ARID1B: variants seen among roughly 807,000 people sequenced by gnomAD.
The protein encoded by ARID1B is AT-rich interactive domain-containing protein 1B.
Under a neutral mutation model 212.3 loss-of-function variants are expected in ARID1B, and 30 were observed. That is an observed-to-expected ratio of 0.14 (90% CI 0.11 to 0.19). The LOEUF is 0.19. Ranked by LOEUF, ARID1B falls within the 10% of genes least tolerant of loss-of-function variation. The pLI is 1.00. For missense variants in ARID1B, 2,891 were observed against 3,204.0 expected (o/e 0.90, Z 2.36); for synonymous variants, 1,402 against 1,301.7 (o/e 1.08, Z -1.66).
At chr6:157,015,670 A>G (rs1191786933) in intron 4 of ARID1B, among the ~76,000 whole-genome samples, 1 of 152,308 alleles carries the variant, frequency 6.6e-6, no homozygotes, top group Admixed American at 6.5e-5. Context: ...GCCTGTTTCT[A>G]TTGGGAGCAG....
intron 16 of ARID1B, among the ~76,000 whole-genome samples, chr6:157,196,966 A>ATGC (rs1000032568): frequency 1.3e-5 from 2 of 152,242 alleles, no homozygotes; most frequent in African/African-American, 2.4e-5. Context: ...AGGACTGATG[A>ATGC]TGCAGAGTGA....
chr6:156,828,797 AAAAT>A (rs1357389500), intron 1 of ARID1B, among the ~76,000 whole-genome samples: 1 of 152,254 alleles, frequency 6.6e-6, no homozygotes, highest in Non-Finnish European at 1.5e-5. Context: ...ACTCAGTTCT[AAAAT>A]AAAATCATTG....
At chr6:156,901,686 C>T (rs1788956351) in intron 3 of ARID1B, 161 bp downstream of exon 3, 2 of 926,590 alleles carry the variant, frequency 2.2e-6, no homozygotes, top group South Asian at 1.8e-5. Context: ...CCATCTCTCC[C>T]TCCGTCTTTT....
rs1183698884 is a variant in ARID1B, at chr6:156,955,837, A to G, written c.2247+20261A>G. On this transcript the variant is annotated intron_variant, in intron 4 of 19. Coordinates refer to ENST00000636930, the MANE Select transcript of ARID1B (RefSeq NM_001374828.1). This position sits in a 1 kb window ranked among gnomAD's most constrained non-coding sequence, Gnocchi z 4.2. ...AGTAGCCCCATTTCAGGGGCCTAAG[A>G]TTTTAGGGAGGAGGGCTGTTGGTCT... Among the ~76,000 whole-genome samples, 3 of 152,064 alleles carry G rather than the reference A, an allele frequency of 2.0e-5. No homozygotes were observed. Among genetic ancestry groups the G allele is most frequent in the Non-Finnish European group, 4.4e-5 (3 of 67,998 alleles).
At chr6:156,982,766 A>G (rs1202163129) in intron 4 of ARID1B, among the ~76,000 whole-genome samples, 2 of 152,096 alleles carry the variant, frequency 1.3e-5, no homozygotes, top group South Asian at 4.1e-4. Context: ...TATTTCCTGT[A>G]TGCAATCACT....
intron 1 of ARID1B, among the ~76,000 whole-genome samples, chr6:156,800,885 ACCGTGT>A (rs891759989): frequency 3.3e-5 from 5 of 152,036 alleles, no homozygotes; most frequent in African/African-American, 1.2e-4. Context: ...ATAGAGAAAG[ACCGTGT>A]CTCTTAAAAA....
At chr6:156,899,558 T>G (rs1444006541) in intron 2 of ARID1B, among the ~76,000 whole-genome samples, 1 of 152,184 alleles carries the variant, frequency 6.6e-6, no homozygotes, top group Non-Finnish European at 1.5e-5. Context: ...TGCTCAGTCG[T>G]GTAGGTGGTT....
chr6:156,897,264 C>CTTCTTCTTATTATTATTATTATTATTA (rs71027320), intron 2 of ARID1B, among the ~76,000 whole-genome samples: 103 of 83,590 alleles, frequency 1.2e-3, no homozygotes, highest in Non-Finnish European at 1.8e-3. Context: ...TCTTCTTCTT[C>CTTCTTCTTATTATTATTATTATTATTA]TTATTATTAT....
chr6:157,066,346 AT>A (rs1190773250), intron 4 of ARID1B, among the ~76,000 whole-genome samples: 1 of 152,156 alleles, frequency 6.6e-6, no homozygotes, highest in African/African-American at 2.4e-5. Context: ...ATTCTTTTCC[AT>A]TTTGGTTTTA....
intron 2 of ARID1B, among the ~76,000 whole-genome samples, chr6:156,883,668 C>T (rs977173785): frequency 3.9e-5 from 6 of 152,148 alleles, no homozygotes; most frequent in East Asian, 1.9e-4. Flanking sequence ...ACTGTCACCT[C>T]GTCTCACTCC....
At chr6:157,171,532 G>T (rs531191708) in intron 9 of ARID1B, among the ~76,000 whole-genome samples, 48 of 152,224 alleles carry the variant, frequency 3.2e-4, no homozygotes, top group African/African-American at 1.1e-3. Flanking sequence ...TAAATAAAAA[G>T]AATAGTAAAA....
At chr6:156,904,259 C>T (rs1789182414) in intron 3 of ARID1B, among the ~76,000 whole-genome samples, 1 of 151,932 alleles carries the variant, frequency 6.6e-6, no homozygotes. Context: ...TTTCCTCATC[C>T]CCTTCTTTTA....
At chr6:156,995,907 A>G (rs1778558428) in intron 4 of ARID1B, among the ~76,000 whole-genome samples, 1 of 152,214 alleles carries the variant, frequency 6.6e-6, no homozygotes, top group African/African-American at 2.4e-5. Flanking sequence ...ATGTTACTCA[A>G]TCTGGCAACC....
At chr6:156,792,299 C>G (rs1780062516) in intron 1 of ARID1B, among the ~76,000 whole-genome samples, 1 of 152,156 alleles carries the variant, frequency 6.6e-6, no homozygotes, top group South Asian at 2.1e-4. Context: ...ATGCAGCCCC[C>G]CCTTTTTAAA....
intron 2 of ARID1B, among the ~76,000 whole-genome samples, chr6:156,850,736 CT>C: frequency 6.6e-6 from 1 of 152,230 alleles, no homozygotes; most frequent in Middle Eastern, 3.4e-3. Context: ...CTAAGGTTAC[CT>C]TTTGAAGACC....
chr6:157,141,360 T>C (rs2128610138), intron 7 of ARID1B: 1 of 152,380 alleles, frequency 6.6e-6, no homozygotes, highest in East Asian at 1.9e-4. Context: ...TTACACACTT[T>C]GTGTAATATT....
intron 8 of ARID1B, among the ~76,000 whole-genome samples, chr6:157,161,431 G>T (rs570568536): frequency 7.2e-6 from 1 of 139,380 alleles, no homozygotes; most frequent in African/African-American, 2.8e-5. Context: ...TTGTGTGTGT[G>T]TATATATATA....
intron 4 of ARID1B, among the ~76,000 whole-genome samples, chr6:156,977,455 A>G (rs1194062361): frequency 1.3e-5 from 2 of 152,112 alleles, no homozygotes; most frequent in African/African-American, 2.4e-5. Flanking sequence ...AAAAGTGAAA[A>G]TGTATTTTTT....
At chr6:156,841,950 T>A (rs987119653) in intron 2 of ARID1B, among the ~76,000 whole-genome samples, 1 of 152,216 alleles carries the variant, frequency 6.6e-6, no homozygotes, top group Admixed American at 6.5e-5. Context: ...TCCTTGTAAC[T>A]GACACTGGAG....
Sources: allele counts gnomAD v4.1 joint callset (sites outside exome capture counted in the v4.1 genomes callset), GRCh38; gene constraint gnomAD v4.1.1; non-coding constraint Gnocchi (gnomAD v3.1); transcripts MANE v1.5; gene names NCBI Gene and HGNC (gene_info 2026-07-23, HGNC 2026-07-21).